The following KCNH1 variants were observed in gnomAD, a reference collection of about 807,000 sequenced individuals.
The protein encoded by KCNH1 is potassium voltage-gated channel subfamily H member 1, also known as voltage-gated delayed rectifier potassium channel KCNH1.
KCNH1 carries 27 observed loss-of-function variants against 69.2 expected under a neutral mutation model. The observed-to-expected ratio is 0.39, with a 90% CI of 0.29 to 0.54. The LOEUF (loss-of-function observed/expected upper bound fraction) is 0.54. KCNH1 is among the 20% of genes least tolerant of loss of function. KCNH1 has a pLI of 0.68. For synonymous variants in KCNH1, 456 were observed against 487.7 expected (o/e 0.93, Z 0.86); for missense variants, 798 against 1,261.6 (o/e 0.63, Z 5.57).
At chr1:210,776,083 G>A (rs185279302) in intron 9 of KCNH1, among the ~76,000 whole-genome samples, 1 of 152,268 alleles carries the variant, frequency 6.6e-6, no homozygotes, top group Admixed American at 6.5e-5. Flanking sequence ...AAGGGAGCAC[G>A]TGGACTCTTC....
At chr1:210,785,354 C>T (rs564546471) in intron 9 of KCNH1, among the ~76,000 whole-genome samples, 1 of 151,354 alleles carries the variant, frequency 6.6e-6, no homozygotes, top group East Asian at 1.9e-4. Context: ...ATCAACTAAA[C>T]TTCTTGGTAG....
chr1:210,718,558 A>C (rs1177667072), intron 10 of KCNH1, among the ~76,000 whole-genome samples: 1 of 118,280 alleles, frequency 8.5e-6, no homozygotes, highest in East Asian at 2.2e-4. Flanking sequence ...ATATATATAA[A>C]ATATATACAT....
At chr1:210,879,422 T>A (rs181165726) in intron 7 of KCNH1, among the ~76,000 whole-genome samples, 12 of 152,134 alleles carry the variant, frequency 7.9e-5, no homozygotes, top group African/African-American at 2.4e-4. Context: ...ACAAGTGGAA[T>A]TCCAGATATG....
At chr1:210,968,424 A>T (rs1278541107) in intron 6 of KCNH1, among the ~76,000 whole-genome samples, 1 of 138,170 alleles carries the variant, frequency 7.2e-6, no homozygotes, top group Non-Finnish European at 1.5e-5. Flanking sequence ...CTAGTTCTAG[A>T]TCCCTGAGGA....
intron 7 of KCNH1, among the ~76,000 whole-genome samples, chr1:210,869,435 G>A (rs1200836133): frequency 6.6e-6 from 1 of 150,564 alleles, no homozygotes; most frequent in African/African-American, 2.4e-5. Flanking sequence ...TATTTTCTCT[G>A]TCATTTTAGG....
At chr1:210,930,539 T>C (rs1171576119) in intron 6 of KCNH1, among the ~76,000 whole-genome samples, 1 of 152,186 alleles carries the variant, frequency 6.6e-6, no homozygotes, top group African/African-American at 2.4e-5. Context: ...CAACTCAAGA[T>C]GGATTAAAGA....
intron 6 of KCNH1, among the ~76,000 whole-genome samples, chr1:210,990,607 C>T (rs1688920087): frequency 6.6e-6 from 1 of 152,168 alleles, no homozygotes; most frequent in Non-Finnish European, 1.5e-5. Flanking sequence ...AGCTGCATCC[C>T]TGAGGGGCTC....
chr1:211,131,215 A>G (rs376240801), intron 1 of KCNH1, among the ~76,000 whole-genome samples: 188 of 152,260 alleles, frequency 1.2e-3, no homozygotes, highest in African/African-American at 4.2e-3. Flanking sequence ...CCACAGCTCT[A>G]TGATATTCCG....
chr1:211,127,180 C>T (rs1254923317), intron 1 of KCNH1, among the ~76,000 whole-genome samples: 2 of 152,166 alleles, frequency 1.3e-5, no homozygotes, highest in Admixed American at 6.5e-5. Flanking sequence ...GGAAGTCCAT[C>T]GTGCTTATAA....
chr1:210,963,247 C>T (rs1688331079), intron 6 of KCNH1, among the ~76,000 whole-genome samples: 1 of 152,016 alleles, frequency 6.6e-6, no homozygotes, highest in Non-Finnish European at 1.5e-5. Flanking sequence ...TCAACATCAA[C>T]AAAAGGGACG....
At chr1:211,115,511 C>T (rs111637013) in intron 1 of KCNH1, among the ~76,000 whole-genome samples, 11 of 151,740 alleles carry the variant, frequency 7.2e-5, no homozygotes, top group East Asian at 5.8e-4. Flanking sequence ...GGCAGAAAAA[C>T]GTAAAAAGGC....
chr1:211,065,288 C>T (rs1045163176), intron 5 of KCNH1, among the ~76,000 whole-genome samples: 39 of 152,202 alleles, frequency 2.6e-4, no homozygotes, highest in Admixed American at 2.2e-3. Context: ...TATACTACAA[C>T]GGAATATTCA....
At chr1:210,954,509 A>G (rs925784929) in intron 6 of KCNH1, among the ~76,000 whole-genome samples, 1 of 152,204 alleles carries the variant, frequency 6.6e-6, no homozygotes, top group African/African-American at 2.4e-5. Context: ...GAACTAATTT[A>G]CACTCCCACC....
rs375133999 is a variant in KCNH1 at position 211,112,845 on chromosome 1, C to T, written c.80-5468G>A. ...AGAAATTCTTCCCCCATCCCTTCCC[C>T]ATTCCTAGCACGCACGTTCTCTTCT... On this transcript the variant is annotated intron_variant, in intron 1 of 10. Transcript: ENST00000271751. Among the ~76,000 whole-genome samples the T allele has an allele frequency of 5.9e-5, 9 of 152,320 alleles. No homozygotes were observed. The East Asian group carries it at 1.2e-3, about 20-fold the overall frequency.
At chr1:211,021,755 G>A (rs1689589790) in intron 5 of KCNH1, among the ~76,000 whole-genome samples, 1 of 151,924 alleles carries the variant, frequency 6.6e-6, no homozygotes. Context: ...AAAATTAAAT[G>A]TCTAGGAATA....
At position 210,727,557 on chromosome 1, in the gene KCNH1, G is replaced by C. The variant is rs982014877; in HGVS notation, c.2113-43419C>G. 9.9e-5 allele frequency among the ~76,000 whole-genome samples: 15 copies of C among 152,096 alleles called. 1 individual carries two copies. Among genetic ancestry groups the C allele is most frequent in the Admixed American group, 8.5e-4 (13 of 15,256 alleles). ...AGTGGGTAGGGTGTGTTTAACTATA[G>C]GCATAGGAGCAGGATGAGGTATTCA... On this transcript the variant is annotated intron_variant, in intron 10 of 10. Transcript: ENST00000271751.
At chr1:210,800,915 C>G (rs976028259) in intron 8 of KCNH1, among the ~76,000 whole-genome samples, 1 of 152,168 alleles carries the variant, frequency 6.6e-6, no homozygotes, top group East Asian at 1.9e-4. Flanking sequence ...TCACTAGATG[C>G]GTGAATGTGC....
At position 210,919,586 on chromosome 1, in the gene KCNH1, G is replaced by A; in HGVS notation, c.1462+54C>T. On this transcript the variant is annotated intron_variant, in intron 7 of 10. Coordinates refer to ENST00000271751, the MANE Select transcript of KCNH1 (RefSeq NM_172362.3). The surrounding 1 kb of genome is among the most constrained non-coding windows in gnomAD (Gnocchi z 4.2). ...CTGCTGGCACTGTAGCCATTTCCCT[G>A]TTTCCAGCTAACAGAAGAGATGGCC... is the stretch of plus-strand genomic sequence containing the variant. The A allele has an allele frequency of 6.7e-7, 1 of 1,494,242 alleles. No homozygotes were observed. Among genetic ancestry groups the A allele is most frequent in the Non-Finnish European group, 9.2e-7 (1 of 1,085,988 alleles). 92.6% of individuals were successfully genotyped at this position (1,494,242 alleles called of 1,614,324 possible).
intron 7 of KCNH1, among the ~76,000 whole-genome samples, chr1:210,868,668 T>C (rs1558504413): frequency 6.6e-6 from 1 of 152,068 alleles, no homozygotes; most frequent in Non-Finnish European, 1.5e-5. Flanking sequence ...CAACATTTAA[T>C]CACAAGATTC....
Sources: allele counts gnomAD v4.1 joint callset (sites outside exome capture counted in the v4.1 genomes callset), GRCh38; gene constraint gnomAD v4.1.1; non-coding constraint Gnocchi (gnomAD v3.1); transcripts MANE v1.5; gene names NCBI Gene and HGNC (gene_info 2026-07-23, HGNC 2026-07-21).